The following PRPF18 variants were observed in gnomAD, a reference collection of about 807,000 sequenced individuals.
PRPF18 encodes pre-mRNA processing factor 18, also known as pre-mRNA-splicing factor 18.
Under a neutral mutation model 46.5 loss-of-function variants are expected in PRPF18, and 38 were observed. That is an observed-to-expected ratio of 0.82 (90% CI 0.63 to 1.07). The LOEUF (loss-of-function observed/expected upper bound fraction) is 1.07, where lower values mean the gene tolerates loss of function less well. Ranked by LOEUF, PRPF18 falls within the 50% of genes least tolerant of loss-of-function variation. The pLI is 0.00. For missense variants in PRPF18, 263 were observed against 410.0 expected, an observed-to-expected ratio of 0.64 and a Z score of 3.10; for synonymous variants, 152 against 146.7, an observed-to-expected ratio of 1.04 and a Z score of -0.26.
chr10:13,634,322 T>A (rs1242410139), downstream of PRPF18, among the ~76,000 whole-genome samples: 1 of 152,184 alleles, frequency 6.6e-6, no homozygotes, highest in Non-Finnish European at 1.5e-5. Flanking sequence ...ACCAACTTCC[T>A]CAACTTTTTC....
Position 13,613,840 on chromosome 10 carries a change from G to T in PRPF18, c.679G>T (p.Glu227Ter). The T allele has an allele frequency of 6.2e-7, 1 of 1,613,884 alleles. No individual in the cohort carries two copies. Among genetic ancestry groups the T allele is most frequent in the Non-Finnish European group, 8.5e-7 (1 of 1,179,964 alleles). The change falls in exon 7 of 10, where the codon GAG becomes TAG. Residue 227 changes from glutamate (E) to a stop codon, truncating the protein, a stop_gained. Coordinates refer to ENST00000378572, the MANE Select transcript of PRPF18 (RefSeq NM_003675.4). LOFTEE classifies it high-confidence loss of function. ...GAACAGTGCGACCCAGAAACAGACC[G>T]AGTCCTACCTAAGACCACTTTTTAG... Reference protein sequence around the residue: ...KLNSATQKQTESYLRPLFRKL... With the variant: ...KLNSATQKQT
chr10:13,587,009 G>T lies in PRPF18; in HGVS notation c.-78G>T. Reference sequence around the variant, plus strand: ...GGCTTGTTGTTCCGTATACTCAGTGGGTTCGCGGCCGCCGGCCCAGTGAGG... The same window carrying T: ...GGCTTGTTGTTCCGTATACTCAGTGTGTTCGCGGCCGCCGGCCCAGTGAGG... On this transcript the variant is annotated 5_prime_UTR_variant, in exon 1 of 10. Coordinates refer to ENST00000378572, the MANE Select transcript of PRPF18 (RefSeq NM_003675.4). 6.9e-7 allele frequency: 1 copy of T among 1,450,624 alleles called. No individual in the cohort carries two copies. The highest frequency in any genetic ancestry group is 9.7e-7 in the Non-Finnish European group (1 of 1,031,306). The allele number at this position is 1,450,624 out of a possible 1,614,324, so 89.9% of individuals were successfully genotyped here.
intron 1 of PRPF18, chr10:13,592,274 T>C: frequency 2.1e-6 from 1 of 481,636 alleles, no homozygotes; most frequent in East Asian, 5.1e-5. Context: ...CTTCTTGGCT[T>C]TGGGTTTCTT....
intron 9 of PRPF18, among the ~76,000 whole-genome samples, chr10:13,617,077 T>A (rs1380460300): frequency 6.6e-6 from 1 of 152,232 alleles, no homozygotes; most frequent in Non-Finnish European, 1.5e-5. Context: ...AAGTTATACA[T>A]GCTTCACATA....
At chr10:13,629,320 G>A (rs986674779) in intron 9 of PRPF18, among the ~76,000 whole-genome samples, 3 of 152,174 alleles carry the variant, frequency 2.0e-5, no homozygotes, top group South Asian at 2.1e-4. Flanking sequence ...GCCAGGTCAC[G>A]CTTGGAATGT....
chr10:13,637,922 T>C, the PRPF18 span: 1 of 152,250 alleles, frequency 6.6e-6, no homozygotes, highest in African/African-American at 2.4e-5. Flanking sequence ...TGCAAGTTCA[T>C]GTGCCATAAA....
At chr10:13,625,415 C>G (rs978823922) in intron 9 of PRPF18, among the ~76,000 whole-genome samples, 1 of 151,858 alleles carries the variant, frequency 6.6e-6, no homozygotes, top group Non-Finnish European at 1.5e-5. Context: ...TAAAAATTAG[C>G]AAAAATTTAA....
the PRPF18 span, among the ~76,000 whole-genome samples, chr10:13,650,391 C>CATGTGCACATGT: frequency 6.6e-6 from 1 of 152,080 alleles, no homozygotes. Flanking sequence ...TGTGTCCCTG[C>CATGTGCACATGT]ATGTGCACAT....
chr10:13,633,334 T>A (rs897879963), downstream of PRPF18, among the ~76,000 whole-genome samples: 10 of 152,196 alleles, frequency 6.6e-5, no homozygotes, highest in African/African-American at 2.4e-4. Flanking sequence ...TGACTTTTAA[T>A]GCTAAGCTCT....
At chr10:13,655,115 G>A in the PRPF18 span, 1 of 152,394 alleles carries the variant, frequency 6.6e-6, no homozygotes, top group African/African-American at 2.4e-5. Flanking sequence ...TACTGATGTA[G>A]GCAGCATGGA....
the PRPF18 span, chr10:13,639,166 A>C: frequency 7.3e-6 from 1 of 137,880 alleles, no homozygotes; most frequent in South Asian, 2.4e-4. Context: ...TTTCAGTTAC[A>C]GAAAAGCCAC....
In PRPF18 at chr10:13,611,759, G is replaced by T. The variant is rs555286589; in HGVS notation, c.579+76G>T. The T allele has an allele frequency of 1.1e-5, 14 of 1,316,852 alleles. No homozygotes were observed. The Admixed American group carries it at 1.8e-4, about 17-fold the overall frequency. The allele number at this position is 1,316,852 out of a possible 1,614,324, so 81.6% of individuals were successfully genotyped here. A position where few individuals can be genotyped will look rare whatever the true frequency, so the allele number is the denominator to read the frequency against. ...TTCTTATATTTTTGGATTACCAAGG[G>T]TTAAAGGCTGGAACGGGAAAGCCTC... On this transcript the variant is annotated intron_variant, in intron 6 of 9. Coordinates refer to ENST00000378572, the MANE Select transcript of PRPF18 (RefSeq NM_003675.4).
At chr10:13,608,069 GTGTT>G (rs1178883454) in intron 4 of PRPF18, among the ~76,000 whole-genome samples, 3 of 152,168 alleles carry the variant, frequency 2.0e-5, no homozygotes, top group South Asian at 2.1e-4. Context: ...AAACTTACTA[GTGTT>G]TGTTTATTTA....
chr10:13,593,799 G>C (rs2079996950), intron 1 of PRPF18, among the ~76,000 whole-genome samples: 1 of 152,182 alleles, frequency 6.6e-6, no homozygotes, highest in Non-Finnish European at 1.5e-5. Flanking sequence ...AGGAGTTCCT[G>C]ACTGGTTGCT....
chr10:13,622,161 C>G (rs749797246), intron 9 of PRPF18, among the ~76,000 whole-genome samples: 1 of 152,204 alleles, frequency 6.6e-6, no homozygotes, highest in African/African-American at 2.4e-5. Flanking sequence ...CTATGGTAAG[C>G]TGTTTCCTAA....
At chr10:13,638,583 T>C in the PRPF18 span, 1 of 152,106 alleles carries the variant, frequency 6.6e-6, no homozygotes, top group Non-Finnish European at 1.5e-5. Context: ...GTGTAAATTC[T>C]AGTCTAAGTC....
chr10:13,592,206 C>T, intron 1 of PRPF18: 1 of 618,114 alleles, frequency 1.6e-6, no homozygotes, highest in Non-Finnish European at 3.0e-6. Flanking sequence ...TGGGGCTTCC[C>T]CTTCTTGGGC....
chr10:13,611,629 C>T lies in PRPF18; in HGVS notation c.525C>T (p.Ser175=), dbSNP rs144561361. The stretch of plus-strand genomic sequence containing the variant: ...TTTTTCTTCAGGCGCTTGGAGAGTC[C>T]TTAGGGAAAGGCGATGATCATAAAG... ...TIEELEALGE[S]LGKGDDHKDM... Residue 175 remains serine, a synonymous_variant, in exon 6 of 10, where the codon TCC becomes TCT. Transcript: ENST00000378572. 234 of 1,613,756 alleles carry T rather than the reference C, an allele frequency of 1.5e-4. No individual in the cohort carries two copies. The highest frequency in any genetic ancestry group is 1.9e-4 in the Non-Finnish European group (225 of 1,179,890).
At chr10:13,610,595 T>C (rs548259916) in intron 5 of PRPF18, among the ~76,000 whole-genome samples, 2 of 152,338 alleles carry the variant, frequency 1.3e-5, no homozygotes, top group African/African-American at 4.8e-5. Context: ...TTGCTTTTAA[T>C]TGCTACATAG....
Sources: gnomAD v4.1 joint callset for allele counts (sites outside exome capture counted in the v4.1 genomes callset) on GRCh38, gnomAD v4.1.1 for gene constraint, MANE v1.5 for transcripts, NCBI Gene and HGNC (gene_info 2026-07-23, HGNC 2026-07-21) for gene names.